LPCAT1: variants seen among roughly 807,000 people sequenced by gnomAD.
The protein encoded by LPCAT1 is lysophosphatidylcholine acyltransferase 1, also known as 1-acylglycerol-3-phosphate O-acyltransferase.
LPCAT1 carries 23 observed loss-of-function variants against 60.9 expected under a neutral mutation model. The observed-to-expected ratio is 0.38, with a 90% confidence interval of 0.27 to 0.53. The LOEUF (loss-of-function observed/expected upper bound fraction) is 0.53, where lower values mean the gene tolerates loss of function less well. LPCAT1 is among the 20% of genes least tolerant of loss of function. The probability of loss-of-function intolerance (pLI) is 0.82; values close to 1 mark genes in which losing one functional copy is unlikely to be tolerated. For synonymous variants in LPCAT1, 340 were observed against 301.1 expected (o/e 1.13, Z -1.34); for missense variants, 622 against 723.6 (o/e 0.86, Z 1.61).
At chr5:1,491,720 T>C (rs1180270472) in intron 3 of LPCAT1, among the ~76,000 whole-genome samples, 1 of 152,190 alleles carries the variant, frequency 6.6e-6, no homozygotes, top group African/African-American at 2.4e-5. Flanking sequence ...TTCTGCCGTC[T>C]TTTGGGCATT....
intron 1 of LPCAT1, among the ~76,000 whole-genome samples, chr5:1,508,203 G>A: frequency 6.6e-6 from 1 of 152,226 alleles, no homozygotes; most frequent in South Asian, 2.1e-4. Flanking sequence ...CACAGTGGGA[G>A]TGCACGTGAC....
chr5:1,494,656 A>C (rs1235361237), intron 3 of LPCAT1, 44 bp downstream of exon 3: 2 of 1,563,514 alleles, frequency 1.3e-6, no homozygotes, highest in Non-Finnish European at 1.8e-6. Context: ...TCTCACTCCC[A>C]GCAGGGCAGG....
rs372749429 is a variant in LPCAT1 at position 1,470,972 on chromosome 5, G to A, written c.1180-48C>T. 16 of 1,534,512 alleles carry A rather than the reference G, an allele frequency of 1.0e-5. No homozygotes were observed. The African/African-American group carries it at 1.9e-4, about 18-fold the overall frequency. ...CCACAGCTCGGCCGCCTTCGGCACT[G>A]GAGAAACGCCAGGGTTTCCCATGGG... On this transcript the variant is annotated intron_variant, in intron 11 of 13. Transcript: ENST00000283415.
chr5:1,515,407 C>T (rs1171202220), intron 1 of LPCAT1, among the ~76,000 whole-genome samples: 1 of 151,202 alleles, frequency 6.6e-6, no homozygotes, highest in African/African-American at 2.4e-5. Flanking sequence ...ACAGCCTGCC[C>T]TGTACACCCT....
intron 1 of LPCAT1, chr5:1,510,852 G>A (rs1736334626): frequency 6.6e-6 from 1 of 152,592 alleles, no homozygotes; most frequent in Non-Finnish European, 1.5e-5. Context: ...GGAGCATGTG[G>A]TGTCTCTGGA....
rs1454011944 is a variant in LPCAT1 at position 1,487,361 on chromosome 5, G to A, written c.667+1030C>T. On this transcript the variant is annotated intron_variant, in intron 5 of 13. Transcript: ENST00000283415. This position sits in a 1 kb window ranked among gnomAD's most constrained non-coding sequence, Gnocchi z 6.1. ...TGATCAGAATGACTCAGAACCACGC[G>A]TGGTGAAGACAATGGAACGGGAAGA... 2.0e-5 allele frequency among the ~76,000 whole-genome samples: 3 copies of A among 152,220 alleles called. No individual in the cohort carries two copies. The highest frequency in any genetic ancestry group is 7.2e-5 in the African/African-American group (3 of 41,466).
chr5:1,473,900 T>C lies in LPCAT1; in HGVS notation c.1179+57A>G. On this transcript the variant is annotated intron_variant, in intron 11 of 13. Coordinates refer to ENST00000283415, the MANE Select transcript of LPCAT1 (RefSeq NM_024830.5). ...TTTATATTAGAATGAGAACAATTTATGCTTCAAAAAGCAGGAGGTTTTGCC... is the reference window on the plus strand; with the variant it reads ...TTTATATTAGAATGAGAACAATTTACGCTTCAAAAAGCAGGAGGTTTTGCC... The C allele has an allele frequency of 3.2e-6, 5 of 1,577,274 alleles. No homozygotes were observed. The South Asian group carries it at 3.5e-5, about 11-fold the overall frequency.
At chr5:1,466,723 G>A (rs761637625) in intron 13 of LPCAT1, 26 bp downstream of exon 13, 9 of 1,594,014 alleles carry the variant, frequency 5.6e-6, no homozygotes, top group Non-Finnish European at 6.9e-6. Flanking sequence ...AGGGTCGCGA[G>A]GACGACCCCA....
At chr5:1,501,077 G>A (rs1735985923) in intron 2 of LPCAT1, among the ~76,000 whole-genome samples, 1 of 152,240 alleles carries the variant, frequency 6.6e-6, no homozygotes, top group Non-Finnish European at 1.5e-5. Flanking sequence ...GGGTAAGGGG[G>A]CTGGCAGTCA....
At position 1,476,859 on chromosome 5, in the gene LPCAT1, A is replaced by G. The variant is rs1319737104; in HGVS notation, c.899+545T>C. On this transcript the variant is annotated intron_variant, in intron 9 of 13. Transcript: ENST00000283415. The surrounding 1 kb of genome is among the most constrained non-coding windows in gnomAD (Gnocchi z 8.6). ...GGGAGGGAGAGGGGGAGGGCGTGTG[A>G]GCCGACAGCACTGCCGGCCATGCAA... 2.6e-5 allele frequency among the ~76,000 whole-genome samples: 4 copies of G among 152,052 alleles called. No individual in the cohort carries two copies. Among genetic ancestry groups the G allele is most frequent in the Non-Finnish European group, 5.9e-5 (4 of 67,982 alleles).
At position 1,481,004 on chromosome 5, in the gene LPCAT1, G is replaced by C. The variant is rs1392015414; in HGVS notation, c.727-28C>G. 1.9e-6 allele frequency: 3 copies of C among 1,613,238 alleles called. No homozygotes were observed. In the South Asian group the frequency reaches 3.3e-5, roughly 18 times the overall value. On this transcript the variant is annotated intron_variant, in intron 6 of 13. Coordinates refer to ENST00000283415, the MANE Select transcript of LPCAT1 (RefSeq NM_024830.5). The surrounding 1 kb of genome is among the most constrained non-coding windows in gnomAD (Gnocchi z 7.8). ...GGGGAGGAAGAGGCAGGGTCAGTCA[G>C]CATGGGGCCTGCACCCAGGGCCTGC...
chr5:1,479,218 A>C (rs1579770830), intron 8 of LPCAT1, among the ~76,000 whole-genome samples: 6 of 152,318 alleles, frequency 3.9e-5, no homozygotes, highest in Middle Eastern at 6.8e-3. Flanking sequence ...CAACAAAGTG[A>C]GACCCATCTC....
In LPCAT1 at chr5:1,466,768, C is replaced by T; in HGVS notation, c.1401G>A (p.Glu467=). The T allele has an allele frequency of 6.2e-7, 1 of 1,612,114 alleles. No individual in the cohort carries two copies. The highest frequency in any genetic ancestry group is 2.2e-5 in the East Asian group (1 of 44,758). ...GCTCACCGAATGTGATCTTCCCCTT[C>T]TCCTCTTGGTCAATGGCTCGGAATA... The part of the protein sequence containing the change: ...TDLFRAIDQE[E]KGKITFADFH... Residue 467 remains glutamate, a synonymous_variant, in exon 13 of 14, where the codon GAG becomes GAA. Coordinates refer to ENST00000283415, the MANE Select transcript of LPCAT1 (RefSeq NM_024830.5).
At chr5:1,498,663 ACT>A (rs1379718523) in intron 2 of LPCAT1, among the ~76,000 whole-genome samples, 3 of 152,046 alleles carry the variant, frequency 2.0e-5, no homozygotes, top group South Asian at 2.1e-4. Flanking sequence ...GAGACACAAC[ACT>A]CATACACATG....
rs141382039 is a variant in LPCAT1 at position 1,471,643 on chromosome 5, G to C, written c.1180-719C>G. On this transcript the variant is annotated intron_variant, in intron 11 of 13. Transcript: ENST00000283415. The stretch of plus-strand genomic sequence containing the variant: ...AGGAGATGAAGGGCAACCAGGAGTG[G>C]AGGGAGGACTCCCTGGTCAGAGAGC... 4.6e-5 allele frequency among the ~76,000 whole-genome samples: 7 copies of C among 152,138 alleles called. No homozygotes were observed. In the East Asian group the frequency reaches 1.4e-3, roughly 29 times the overall value.
intron 2 of LPCAT1, among the ~76,000 whole-genome samples, chr5:1,497,213 G>A (rs922747659): frequency 1.3e-5 from 2 of 152,354 alleles, no homozygotes; most frequent in Middle Eastern, 3.4e-3. Context: ...CTGTCACTGT[G>A]GAGACAAGCA....
intron 6 of LPCAT1, among the ~76,000 whole-genome samples, chr5:1,482,665 TG>T (rs1185601119): frequency 6.7e-5 from 4 of 60,098 alleles, no homozygotes; most frequent in Admixed American, 1.9e-4. Context: ...TGGGCTGGGA[TG>T]GGGGGAGTAG....
chr5:1,479,747 G>GAGGTTTCACCCCAGAATT, intron 7 of LPCAT1, 72 bp from the exon 8 acceptor site: 2 of 1,204,920 alleles, frequency 1.7e-6, no homozygotes, highest in East Asian at 2.4e-5. Context: ...CCCAATTCTG[G>GAGGTTTCACCCCAGAATT]GGTGAAACCT....
chr5:1,485,346 C>T (rs372746083), intron 5 of LPCAT1, among the ~76,000 whole-genome samples: 176 of 152,208 alleles, frequency 1.2e-3, no homozygotes, highest in African/African-American at 4.0e-3. Context: ...GTCAGCAGCA[C>T]CCAGACCCCG....
Sources: gnomAD v4.1 joint callset for allele counts (sites outside exome capture counted in the v4.1 genomes callset) on GRCh38, gnomAD v4.1.1 for gene constraint, Gnocchi (gnomAD v3.1) non-coding constraint, MANE v1.5 for transcripts, NCBI Gene and HGNC (gene_info 2026-07-23, HGNC 2026-07-21) for gene names.